Variants in GALNT13 observed in about 807,000 individuals in gnomAD.
GALNT13 encodes polypeptide N-acetylgalactosaminyltransferase 13, also known as UDP-GalNAc:polypeptide N-acetylgalactosaminyltransferase 13.
GALNT13 carries 28 observed loss-of-function variants against 64.2 expected under a neutral mutation model. The ratio of observed to expected loss-of-function variants is 0.44; its 90% confidence interval spans 0.32 to 0.60. The LOEUF is 0.60. GALNT13 is among the 20% of genes least tolerant of loss of function. The pLI, the probability that GALNT13 is intolerant of heterozygous loss-of-function variation, is 0.05. For missense variants in GALNT13, 577 were observed against 669.8 expected (o/e 0.86, Z 1.53); for synonymous variants, 214 against 224.6 (o/e 0.95, Z 0.42).
chr2:153,947,108 C>T (rs1000982875), intron 3 of GALNT13, among the ~76,000 whole-genome samples: 1 of 151,946 alleles, frequency 6.6e-6, no homozygotes, highest in Non-Finnish European at 1.5e-5. Flanking sequence ...TTAAACAATT[C>T]CTAAGGACCC....
the GALNT13 span, among the ~76,000 whole-genome samples, chr2:153,350,384 C>CTTTTTTTTTT: frequency 3.5e-4 from 46 of 129,960 alleles, 1 homozygote; most frequent in Non-Finnish European, 5.4e-4. Flanking sequence ...TTCTTTCTTT[C>CTTTTTTTTTT]TTTTTTTTTT....
intron 4 of GALNT13, among the ~76,000 whole-genome samples, chr2:154,205,015 A>G (rs1437864875): frequency 6.6e-6 from 1 of 152,184 alleles, no homozygotes; most frequent in African/African-American, 2.4e-5. Context: ...TGAGTGATGG[A>G]TGAATGGGTG....
chr2:154,364,741 G>T (rs887068349), intron 9 of GALNT13, among the ~76,000 whole-genome samples: 1 of 152,078 alleles, frequency 6.6e-6, no homozygotes, highest in African/African-American at 2.4e-5. Context: ...GCGCGATCTT[G>T]GCTCACCGCA....
chr2:153,578,105 T>C, the GALNT13 span, among the ~76,000 whole-genome samples: 1 of 152,138 alleles, frequency 6.6e-6, no homozygotes, highest in Admixed American at 6.6e-5. Flanking sequence ...GAAACCTGTC[T>C]TTAAAATAGT....
At chr2:153,461,683 C>T in the GALNT13 span, among the ~76,000 whole-genome samples, 3 of 152,086 alleles carry the variant, frequency 2.0e-5, no homozygotes, top group African/African-American at 7.2e-5. Flanking sequence ...ATGACATGAA[C>T]TTAATACTGG....
chr2:153,882,522 T>G (rs1203670848), intron 1 of GALNT13, among the ~76,000 whole-genome samples: 2 of 152,148 alleles, frequency 1.3e-5, no homozygotes, highest in Admixed American at 1.3e-4. Flanking sequence ...ACTTACAGTC[T>G]TTAAGCCTAA....
chr2:153,347,180 C>A, the GALNT13 span, among the ~76,000 whole-genome samples: 1 of 152,194 alleles, frequency 6.6e-6, no homozygotes. Flanking sequence ...GGCATAAAAG[C>A]CCAACCTGGC....
the GALNT13 span, chr2:153,593,095 A>G: frequency 6.6e-6 from 1 of 152,470 alleles, no homozygotes; most frequent in Admixed American, 6.5e-5. Context: ...CCTCATGGCC[A>G]GAACTCGGGG....
At chr2:153,365,070 A>G in the GALNT13 span, among the ~76,000 whole-genome samples, 3 of 152,052 alleles carry the variant, frequency 2.0e-5, no homozygotes, top group East Asian at 1.9e-4. Flanking sequence ...CAGAACAGAA[A>G]CCTCAGAAAT....
the GALNT13 span, among the ~76,000 whole-genome samples, chr2:153,139,862 A>G: frequency 6.6e-6 from 1 of 152,018 alleles, no homozygotes; most frequent in Admixed American, 6.6e-5. Context: ...ATTGAATATA[A>G]TAAAGGATAC....
At chr2:153,172,405 T>C in the GALNT13 span, among the ~76,000 whole-genome samples, 774 of 152,176 alleles carry the variant, frequency 5.1e-3, 5 homozygotes, top group African/African-American at 0.018. Context: ...GAAAACATAG[T>C]GATTGCAGGG....
chr2:154,008,117 G>A (rs1193599503), intron 3 of GALNT13, among the ~76,000 whole-genome samples: 1 of 152,114 alleles, frequency 6.6e-6, no homozygotes, highest in African/African-American at 2.4e-5. Flanking sequence ...TCTCTCATAA[G>A]AGACAGGATC....
intron 4 of GALNT13, among the ~76,000 whole-genome samples, chr2:154,186,171 C>T (rs1284146658): frequency 6.6e-6 from 1 of 151,720 alleles, no homozygotes; most frequent in African/African-American, 2.4e-5. Flanking sequence ...TAAAAATCTA[C>T]TACTGTCAGC....
At chr2:153,131,341 C>T in the GALNT13 span, among the ~76,000 whole-genome samples, 31 of 151,710 alleles carry the variant, frequency 2.0e-4, no homozygotes, top group African/African-American at 6.0e-4. Flanking sequence ...TGGTACCTAA[C>T]GGAAGCTCAA....
At chr2:154,447,859 A>G (rs908755897) in intron 12 of GALNT13, among the ~76,000 whole-genome samples, 2 of 152,056 alleles carry the variant, frequency 1.3e-5, no homozygotes, top group Non-Finnish European at 2.9e-5. Context: ...CTTTCAGAGC[A>G]ACCAATCCTG....
chr2:153,268,492 T>G, the GALNT13 span, among the ~76,000 whole-genome samples: 2 of 152,188 alleles, frequency 1.3e-5, no homozygotes, highest in African/African-American at 4.8e-5. Flanking sequence ...TGGCATTGAG[T>G]GCCTGAGGCC....
chr2:154,288,200 T>C (rs1692387392), intron 8 of GALNT13, among the ~76,000 whole-genome samples: 2 of 152,088 alleles, frequency 1.3e-5, no homozygotes, highest in South Asian at 2.1e-4. Context: ...TTATAAAACA[T>C]CGGATCTCAT....
intron 10 of GALNT13, among the ~76,000 whole-genome samples, chr2:154,405,322 AAGG>A (rs1312071528): frequency 1.3e-5 from 2 of 152,130 alleles, no homozygotes; most frequent in South Asian, 2.1e-4. Context: ...AGAAAAGAAA[AAGG>A]AGCAACTAAA....
intron 3 of GALNT13, among the ~76,000 whole-genome samples, chr2:153,988,388 T>C (rs1264995750): frequency 6.6e-6 from 1 of 151,992 alleles, no homozygotes. Context: ...GAGTTCACCT[T>C]TTTTGGATTC....
Sources: gnomAD v4.1 joint callset for allele counts (sites outside exome capture counted in the v4.1 genomes callset) on GRCh38, gnomAD v4.1.1 for gene constraint, MANE v1.5 for transcripts, NCBI Gene and HGNC (gene_info 2026-07-23, HGNC 2026-07-21) for gene names.